The following MRPS18B variants were observed in gnomAD, a reference collection of about 807,000 sequenced individuals.
The protein encoded by MRPS18B is small ribosomal subunit protein mS40.
A neutral mutation model predicts 28.4 loss-of-function variants in MRPS18B; 27 were observed. The observed-to-expected ratio is 0.95, with a 90% CI of 0.70 to 1.31. The LOEUF (loss-of-function observed/expected upper bound fraction) is 1.31. Among genes scored for constraint, MRPS18B ranks in the 40% most tolerant of loss-of-function variants. MRPS18B has a pLI of 0.00. For missense variants in MRPS18B, 343 were observed against 335.9 expected, an observed-to-expected ratio of 1.02 and a Z score of -0.17; for synonymous variants, 118 against 123.7, an observed-to-expected ratio of 0.95 and a Z score of 0.30.
At chr6:30,621,499 G>A (rs146035603) in intron 4 of MRPS18B, among the ~76,000 whole-genome samples, 3 of 152,338 alleles carry the variant, frequency 2.0e-5, no homozygotes, top group African/African-American at 7.2e-5. Context: ...TAGAGCAGAA[G>A]CTATATGGCT....
In MRPS18B at chr6:30,625,623, A is replaced by G; in HGVS notation, c.603A>G (p.Pro201=). The G allele has an allele frequency of 6.2e-7, 1 of 1,612,896 alleles. No individual in the cohort carries two copies. The highest frequency in any genetic ancestry group is 8.5e-7 in the Non-Finnish European group (1 of 1,179,968). ...PTLVSGDPWY[P]WYNWKQPPER... ...TGGTCTCAGGTGACCCCTGGTACCC[A>G]TGGTACAACTGGAAACAGCCACCGG... The change falls in exon 7 of 7, where the codon CCA becomes CCG. Residue 201 remains proline (P), a synonymous_variant. Coordinates refer to ENST00000259873, the MANE Select transcript of MRPS18B (RefSeq NM_014046.4).
chr6:30,621,823 T>C (rs544235654), intron 4 of MRPS18B, among the ~76,000 whole-genome samples: 1 of 152,266 alleles, frequency 6.6e-6, no homozygotes, highest in East Asian at 1.9e-4. Flanking sequence ...GGCGGGCGCC[T>C]GTAGTCCCAG....
At chr6:30,623,544 C>T (rs958079232) in intron 5 of MRPS18B, among the ~76,000 whole-genome samples, 2 of 152,072 alleles carry the variant, frequency 1.3e-5, no homozygotes, top group Non-Finnish European at 2.9e-5. Context: ...TTTAACAATT[C>T]AGAATTATAT....
chr6:30,625,906 G>A lies in MRPS18B; in HGVS notation c.*109G>A. ...ACTTGATCCCAGGAGTTTGAGACCA[G>A]CCTGGGCACCATGGTGAAACCTCGT... On this transcript the variant is annotated 3_prime_UTR_variant, in exon 7 of 7. Transcript: ENST00000259873. The A allele has an allele frequency of 8.2e-7, 1 of 1,222,542 alleles. No individual in the cohort carries two copies. The highest frequency in any genetic ancestry group is 1.1e-6 in the Non-Finnish European group (1 of 875,710). The allele number at this position is 1,222,542 out of a possible 1,614,324, so 75.7% of individuals were successfully genotyped here. A position where few individuals can be genotyped will look rare whatever the true frequency, so the allele number is the denominator to read the frequency against.
In MRPS18B at chr6:30,619,616, G is replaced by C. The variant is rs777443127; in HGVS notation, c.187+15G>C. The C allele has an allele frequency of 2.5e-6, 4 of 1,610,532 alleles. No individual in the cohort carries two copies. In the Admixed American group the frequency reaches 6.7e-5, roughly 27 times the overall value. ...GGAATCAGAAGGTACCTCTAAAGGG[G>C]GAAAGGGAGGGTCAGATAGGATTTG... On this transcript the variant is annotated intron_variant, in intron 2 of 6. Transcript: ENST00000259873.
Position 30,625,995 on chromosome 6 carries a change from G to C in MRPS18B, c.*198G>C. The C allele has an allele frequency of 1.7e-6, 1 of 578,096 alleles. No homozygotes were observed. The allele number at this position is 578,096 out of a possible 1,614,324, so 35.8% of individuals were successfully genotyped here. On this transcript the variant is annotated 3_prime_UTR_variant, in exon 7 of 7. Transcript: ENST00000259873. Reference sequence around the variant, plus strand: ...TGCACACCTGTAGTCTCAACTATTGGGGAGGCTAAGGTAGGATCACTTGAT... The same window carrying C: ...TGCACACCTGTAGTCTCAACTATTGCGGAGGCTAAGGTAGGATCACTTGAT...
chr6:30,618,453 A>T (rs1177906183), intron 1 of MRPS18B: 1 of 156,268 alleles, frequency 6.4e-6, no homozygotes, highest in African/African-American at 2.4e-5. Context: ...TTACGACCTG[A>T]GGACAGTTTC....
In MRPS18B at chr6:30,617,992, C is replaced by T. The variant is rs747617524; in HGVS notation, c.78+49C>T. ...CACAACCTCAAGTTGGTTATACCTT[C>T]TCGAGGTTGTCGCTCCACTGTCAGG... On this transcript the variant is annotated intron_variant, in intron 1 of 6. Transcript: ENST00000259873. The T allele has an allele frequency of 2.9e-5, 46 of 1,597,446 alleles. No homozygotes were observed. The Admixed American group carries it at 5.5e-4, about 19-fold the overall frequency.
rs774357473 is a variant in MRPS18B at position 30,619,578 on chromosome 6, C to T, written c.164C>T (p.Pro55Leu). 3.2e-5 allele frequency: 51 copies of T among 1,612,780 alleles called. No individual in the cohort carries two copies. The East Asian group carries it at 9.1e-4, about 29-fold the overall frequency. The stretch of plus-strand genomic sequence containing the variant: ...CCCATTTCTCCTTATAAGGATGAGC[C>T]CTGGAAATATCTGGAATCAGAAGGT... ...SVPISPYKDE[P>L]WKYLESEEYQ... The change falls in exon 2 of 7, where the codon CCC becomes CTC. Residue 55 changes from proline (P) to leucine (L), a missense_variant. Pro to Leu is a moderately conservative substitution (Grantham distance 98, BLOSUM62 -3). Coordinates refer to ENST00000259873, the MANE Select transcript of MRPS18B (RefSeq NM_014046.4).
In MRPS18B at chr6:30,626,038, GC is replaced by G. The variant is rs1311941008; in HGVS notation, c.*242del. 1 of 483,622 alleles carries G rather than the reference GC, an allele frequency of 2.1e-6. No individual in the cohort carries two copies. Among genetic ancestry groups the G allele is most frequent in the African/African-American group, 2.0e-5 (1 of 51,070 alleles). 30.0% of individuals were successfully genotyped at this position (483,622 alleles called of 1,614,324 possible). A position where few individuals can be genotyped will look rare whatever the true frequency, so the allele number is the denominator to read the frequency against. On this transcript the variant is annotated 3_prime_UTR_variant, in exon 7 of 7. Coordinates refer to ENST00000259873, the MANE Select transcript of MRPS18B (RefSeq NM_014046.4). ...CACTTGATCCCAGGAGGCGGAGGTT[GC>G]AGTGAGTTGCAGTCACACCCCTGCA...
Position 30,619,578 on chromosome 6 carries a change from C to A in MRPS18B, c.164C>A (p.Pro55His), listed in dbSNP as rs774357473. The A allele has an allele frequency of 6.2e-6, 10 of 1,612,662 alleles. No individual in the cohort carries two copies. Among genetic ancestry groups the A allele is most frequent in the African/African-American group, 1.3e-5 (1 of 74,866 alleles). The change falls in exon 2 of 7, where the codon CCC (proline) becomes CAC (histidine). Residue 55 changes from proline to histidine, a missense_variant. Pro to His is a moderately conservative substitution (Grantham distance 77, BLOSUM62 -2). Transcript: ENST00000259873. ...CCCATTTCTCCTTATAAGGATGAGCCCTGGAAATATCTGGAATCAGAAGGT... is the reference window on the plus strand; with the variant it reads ...CCCATTTCTCCTTATAAGGATGAGCACTGGAAATATCTGGAATCAGAAGGT... ...SVPISPYKDEPWKYLESEEYQ... is the reference protein window; with the variant it reads ...SVPISPYKDEHWKYLESEEYQ...
rs1200792300 is a variant in MRPS18B at position 30,625,875 on chromosome 6, C to G, written c.*78C>G. On this transcript the variant is annotated 3_prime_UTR_variant, in exon 7 of 7. Transcript: ENST00000259873. ...CAGCACTTTGGGAAGCCAAGGTGGG[C>G]TGATCACTTGATCCCAGGAGTTTGA... 6.9e-7 allele frequency: 1 copy of G among 1,440,044 alleles called. No individual in the cohort carries two copies. The highest frequency in any genetic ancestry group is 2.1e-5 in the Admixed American group (1 of 48,388). The allele number at this position is 1,440,044 out of a possible 1,614,324, so 89.2% of individuals were successfully genotyped here.
chr6:30,624,902 C>G lies in MRPS18B; in HGVS notation c.441C>G (p.His147Gln), dbSNP rs1761392643. The G allele has an allele frequency of 6.2e-7, 1 of 1,612,968 alleles. No individual in the cohort carries two copies. The highest frequency in any genetic ancestry group is 1.1e-5 in the South Asian group (1 of 91,080). Reference sequence around the variant, plus strand: ...CCACAGGAGTCTGTGTGAAGCAGCACAAGCGGTTGACCCAGGCCATCCAGA... The same window carrying G: ...CCACAGGAGTCTGTGTGAAGCAGCAGAAGCGGTTGACCCAGGCCATCCAGA... The part of the protein sequence containing the change: ...APYTGVCVKQ[H>Q]KRLTQAIQKA... The change falls in exon 6 of 7, where the codon CAC becomes CAG. Residue 147 changes from histidine (H) to glutamine (Q), a missense_variant. By Grantham distance (24) the His-to-Gln change is conservative (BLOSUM62 0). Transcript: ENST00000259873.
At position 30,624,770 on chromosome 6, in the gene MRPS18B, G is replaced by A. The variant is rs1021151344; in HGVS notation, c.422-113G>A. On this transcript the variant is annotated intron_variant, in intron 5 of 6. Transcript: ENST00000259873. ...GGTCCATGGAGGGGTCAGGGGAAAG[G>A]GGTCATTAGGTAAAGCCAATCCTTC... 3.8e-5 allele frequency: 44 copies of A among 1,150,806 alleles called. No individual in the cohort carries two copies. The African/African-American group carries it at 6.4e-4, about 17-fold the overall frequency. 71.3% of individuals were successfully genotyped at this position (1,150,806 alleles called of 1,614,324 possible).
chr6:30,621,804 G>C (rs184445435), intron 4 of MRPS18B, among the ~76,000 whole-genome samples: 21 of 152,222 alleles, frequency 1.4e-4, no homozygotes, highest in Admixed American at 5.9e-4. Context: ...AAAATTAGCT[G>C]GGTGTGATGG....
intron 4 of MRPS18B, among the ~76,000 whole-genome samples, chr6:30,621,097 C>T (rs1037487534): frequency 6.6e-6 from 1 of 152,174 alleles, no homozygotes; most frequent in Non-Finnish European, 1.5e-5. Context: ...GGATTTGCTC[C>T]TTAAAGAATT....
At position 30,619,554 on chromosome 6, in the gene MRPS18B, C is replaced by T. The variant is rs150787623; in HGVS notation, c.140C>T (p.Pro47Leu). 20 of 1,612,992 alleles carry T rather than the reference C, an allele frequency of 1.2e-5. No individual in the cohort carries two copies. The highest frequency in any genetic ancestry group is 1.6e-5 in the Non-Finnish European group (19 of 1,179,998). ...PSEEDSLSSV[P>L]ISPYKDEPWK... ...GAGGAAGATTCTTTGTCCTCAGTTC[C>T]CATTTCTCCTTATAAGGATGAGCCC... The change falls in exon 2 of 7, where the codon CCC becomes CTC. Residue 47 changes from proline to leucine, a missense_variant. Physicochemically the swap from Pro to Leu is moderately conservative, Grantham distance 98. Transcript: ENST00000259873.
intron 1 of MRPS18B, among the ~76,000 whole-genome samples, chr6:30,618,198 C>G (rs2127461568): frequency 6.6e-6 from 1 of 152,018 alleles, no homozygotes; most frequent in South Asian, 2.1e-4. Flanking sequence ...GGAATTGACC[C>G]CTGTCCACCC....
Position 30,619,754 on chromosome 6 carries a change from G to T in MRPS18B, c.233G>T (p.Arg78Leu). 1 of 1,614,180 alleles carries T rather than the reference G, an allele frequency of 6.2e-7. No individual in the cohort carries two copies. Among genetic ancestry groups the T allele is most frequent in the Non-Finnish European group, 8.5e-7 (1 of 1,180,012 alleles). The change falls in exon 3 of 7, where the codon CGC (arginine) becomes CTC (leucine). Residue 78 changes from arginine to leucine, a missense_variant. Coordinates refer to ENST00000259873, the MANE Select transcript of MRPS18B (RefSeq NM_014046.4). ...YGSRPVWADY[R>L]RNHKGGVPPQ... is the part of the protein sequence containing the mutation. ...TCTCGCCCCGTCTGGGCTGACTACCGCCGCAACCACAAGGGTGGTGTACCC... is the reference window on the plus strand; with the variant it reads ...TCTCGCCCCGTCTGGGCTGACTACCTCCGCAACCACAAGGGTGGTGTACCC...
Sources: allele counts gnomAD v4.1 joint callset (sites outside exome capture counted in the v4.1 genomes callset), GRCh38; gene constraint gnomAD v4.1.1; transcripts MANE v1.5; gene names NCBI Gene and HGNC (gene_info 2026-07-23, HGNC 2026-07-21).